The following PEX7 variants were observed in gnomAD, a reference collection of about 807,000 sequenced individuals.
PEX7 encodes peroxisomal biogenesis factor 7, also known as PTS2 receptor.
In PEX7, 34 loss-of-function variants were observed where a neutral mutation model predicts 47.5. The observed-to-expected ratio is 0.72, with a 90% CI of 0.54 to 0.95. The LOEUF is 0.95. PEX7 is among the 40% of genes least tolerant of loss of function. The pLI is 0.00. For missense variants in PEX7, 394 were observed against 400.3 expected (o/e 0.98, Z 0.13); for synonymous variants, 141 against 148.8 (o/e 0.95, Z 0.38).
chr6:136,865,849 C>T (rs1413358994), intron 5 of PEX7, among the ~76,000 whole-genome samples: 1 of 152,036 alleles, frequency 6.6e-6, no homozygotes, highest in Non-Finnish European at 1.5e-5. Context: ...CTTTGGGAGG[C>T]TGAGGCGGGT....
rs74660665 is a variant in PEX7 at position 136,908,823 on chromosome 6, G to T, written c.904-4635G>T. Among the ~76,000 whole-genome samples the T allele has an allele frequency of 2.5e-3, 377 of 151,842 alleles. 9 individuals carry two copies. The South Asian group carries it at 0.03, about 12-fold the overall frequency. Reference sequence around the variant, plus strand: ...AAAACTTTCAGTTCTTCACTTACTCGGATGTATCCCACTGCCTAGAACATT... The same window carrying T: ...AAAACTTTCAGTTCTTCACTTACTCTGATGTATCCCACTGCCTAGAACATT... On this transcript the variant is annotated intron_variant, in intron 9 of 9. Coordinates refer to ENST00000318471, the MANE Select transcript of PEX7 (RefSeq NM_000288.4).
intron 8 of PEX7, among the ~76,000 whole-genome samples, chr6:136,890,563 C>T (rs1775537282): frequency 6.6e-6 from 1 of 152,034 alleles, no homozygotes; most frequent in Non-Finnish European, 1.5e-5. Flanking sequence ...TCTGTCTTCT[C>T]CCCCTCCTCA....
At chr6:136,910,671 T>C (rs1775919166) in intron 9 of PEX7, among the ~76,000 whole-genome samples, 1 of 152,216 alleles carries the variant, frequency 6.6e-6, no homozygotes, top group South Asian at 2.1e-4. Flanking sequence ...TCAAAATTAG[T>C]GATAGCCAAG....
At chr6:136,869,570 C>T (rs912777320) in intron 6 of PEX7, among the ~76,000 whole-genome samples, 1 of 152,098 alleles carries the variant, frequency 6.6e-6, no homozygotes, top group African/African-American at 2.4e-5. Context: ...ATTTTTAATC[C>T]CCTATGTATT....
intron 1 of PEX7, 41 bp downstream of exon 1, chr6:136,822,836 G>GGAGGCGGGGGC: frequency 8.2e-7 from 1 of 1,212,786 alleles, no homozygotes; most frequent in Non-Finnish European, 1.0e-6. Flanking sequence ...GGGCGGAGGC[G>GGAGGCGGGGGC]GAGGCGGGGG....
intron 3 of PEX7, 65 bp from the exon 4 acceptor site, chr6:136,845,550 A>T: frequency 1.1e-6 from 1 of 893,200 alleles, no homozygotes; most frequent in South Asian, 1.3e-5. Context: ...TTATGTAACA[A>T]GAGATAAAAT....
intron 1 of PEX7, 146 bp downstream of exon 1, chr6:136,822,941 C>A: frequency 8.3e-7 from 1 of 1,208,498 alleles, no homozygotes; most frequent in Non-Finnish European, 1.0e-6. Flanking sequence ...AGGCGCTGGT[C>A]GGCGCTTCTC....
At chr6:136,848,811 CT>C (rs1166962450) in intron 5 of PEX7, among the ~76,000 whole-genome samples, 1 of 151,822 alleles carries the variant, frequency 6.6e-6, no homozygotes, top group Non-Finnish European at 1.5e-5. Context: ...CTAAAATTCT[CT>C]TTTTTTTGTT....
intron 8 of PEX7, among the ~76,000 whole-genome samples, chr6:136,895,105 T>C (rs1775626404): frequency 6.6e-6 from 1 of 152,054 alleles, no homozygotes; most frequent in African/African-American, 2.4e-5. Context: ...ACACCCACTT[T>C]CTCCCTGTTA....
chr6:136,900,493 C>A lies in PEX7; in HGVS notation c.903+2252C>A. Reference sequence around the variant, plus strand: ...CCAGTGACAGCAGATCTCATCGTGTCTGTCATTGTAATTGGTCCTGATAGC... The same window carrying A: ...CCAGTGACAGCAGATCTCATCGTGTATGTCATTGTAATTGGTCCTGATAGC... On this transcript the variant is annotated intron_variant, in intron 9 of 9. Transcript: ENST00000318471. The surrounding 1 kb of genome is among the most constrained non-coding windows in gnomAD (Gnocchi z 4.2). 2.1e-6 allele frequency: 1 copy of A among 480,904 alleles called. No individual in the cohort carries two copies. Among genetic ancestry groups the A allele is most frequent in the South Asian group, 1.5e-5 (1 of 65,784 alleles). 29.8% of individuals were successfully genotyped at this position (480,904 alleles called of 1,614,324 possible).
intron 5 of PEX7, among the ~76,000 whole-genome samples, chr6:136,864,303 T>G (rs1186592632): frequency 9.2e-6 from 1 of 108,240 alleles, no homozygotes; most frequent in East Asian, 2.4e-4. Context: ...TAATCATGGG[T>G]ATTTTTTCTC....
rs1322334010 is a variant in PEX7, at chr6:136,826,534, GGGAT to G, written c.339+69_339+72del. On this transcript the variant is annotated intron_variant, in intron 3 of 9. Transcript: ENST00000318471. ...TTCGACTTTGGTTGAAATCCATTTG[GGGAT>G]GGACACATGGAGAAATATCTTCAGG... is the stretch of plus-strand genomic sequence containing the variant. 15 of 1,579,554 alleles carry G rather than the reference GGGAT, an allele frequency of 9.5e-6. No homozygotes were observed. In the African/African-American group the frequency reaches 1.2e-4, roughly 13 times the overall value.
intron 3 of PEX7, among the ~76,000 whole-genome samples, 169 bp downstream of exon 3, chr6:136,826,638 C>T (rs1402891698): frequency 2.6e-5 from 4 of 151,128 alleles, no homozygotes; most frequent in Non-Finnish European, 5.9e-5. Flanking sequence ...ACATAAAGTA[C>T]CTCTTGGCCT....
intron 5 of PEX7, among the ~76,000 whole-genome samples, chr6:136,848,190 G>T (rs1302778935): frequency 6.6e-6 from 1 of 152,174 alleles, no homozygotes; most frequent in Non-Finnish European, 1.5e-5. Flanking sequence ...CTTGCACATT[G>T]ATTTTGTATC....
chr6:136,845,170 A>G (rs1446996408), intron 3 of PEX7, among the ~76,000 whole-genome samples: 1 of 152,262 alleles, frequency 6.6e-6, no homozygotes, highest in Non-Finnish European at 1.5e-5. Context: ...TGGAAGGATC[A>G]CCTGGTTCCT....
chr6:136,908,609 A>G lies in PEX7; in HGVS notation c.904-4849A>G, dbSNP rs191414163. Among the ~76,000 whole-genome samples, 97 of 152,266 alleles carry G rather than the reference A, an allele frequency of 6.4e-4. No homozygotes were observed. In the East Asian group the frequency reaches 0.011, roughly 17 times the overall value. On this transcript the variant is annotated intron_variant, in intron 9 of 9. Coordinates refer to ENST00000318471, the MANE Select transcript of PEX7 (RefSeq NM_000288.4). ...TTGTGTATCCTTGGGCGGAAGCAGT[A>G]GAGCCTGGAGGCCCCTGCCCTTGAG...
chr6:136,895,491 GT>G (rs1164110758), intron 8 of PEX7, among the ~76,000 whole-genome samples: 16 of 152,156 alleles, frequency 1.1e-4, no homozygotes, highest in African/African-American at 3.9e-4. Context: ...TCTCTGTTTA[GT>G]AAATCCTCTC....
chr6:136,870,863 ATT>A, intron 7 of PEX7: 1 of 242,172 alleles, frequency 4.1e-6, no homozygotes, highest in Non-Finnish European at 8.4e-6. Flanking sequence ...TGCCCGGCTA[ATT>A]TTTTTGTATT....
At position 136,826,483 on chromosome 6, in the gene PEX7, C is replaced by A. The variant is rs780015020; in HGVS notation, c.339+14C>A. 2 of 1,613,846 alleles carry A rather than the reference C, an allele frequency of 1.2e-6. No individual in the cohort carries two copies. Among genetic ancestry groups the A allele is most frequent in the East Asian group, 2.2e-5 (1 of 44,878 alleles). Reference sequence around the variant, plus strand: ...CACGCTCAGGAGGTAGGAGGGAAATCTTTCTGGGCTGATTATTTTTCTTTC... The same window carrying A: ...CACGCTCAGGAGGTAGGAGGGAAATATTTCTGGGCTGATTATTTTTCTTTC... On this transcript the variant is annotated intron_variant, in intron 3 of 9. Coordinates refer to ENST00000318471, the MANE Select transcript of PEX7 (RefSeq NM_000288.4).
Sources: allele counts gnomAD v4.1 joint callset (sites outside exome capture counted in the v4.1 genomes callset), GRCh38; gene constraint gnomAD v4.1.1; non-coding constraint Gnocchi (gnomAD v3.1); transcripts MANE v1.5; gene names NCBI Gene and HGNC (gene_info 2026-07-23, HGNC 2026-07-21).